Variants in CFAP70 observed in about 807,000 individuals in gnomAD.
The protein encoded by CFAP70 is cilia- and flagella-associated protein 70.
A neutral mutation model predicts 137.6 loss-of-function variants in CFAP70; 81 were observed. The observed-to-expected ratio is 0.59, with a 90% CI of 0.49 to 0.71. CFAP70 has a LOEUF of 0.71. Among genes scored for constraint, CFAP70 ranks in the 30% least tolerant of loss-of-function variants. The pLI is 0.00. For synonymous variants in CFAP70, 382 were observed against 423.6 expected (o/e 0.90, Z 1.20); for missense variants, 976 against 1,226.7 (o/e 0.80, Z 3.05).
chr10:73,324,435 T>C (rs1031656362), intron 8 of CFAP70, among the ~76,000 whole-genome samples: 5 of 152,200 alleles, frequency 3.3e-5, no homozygotes, highest in African/African-American at 1.2e-4. Flanking sequence ...GTGCCTCTCC[T>C]ACTCCAAAGG....
In CFAP70 at chr10:73,332,753, A is replaced by G. The variant is rs569612070; in HGVS notation, c.678-1477T>C. ...ACTGAAGCCTCTGGCACTTACAACT[A>G]TAGCAAACAAGAAACACAACCCAGC... On this transcript the variant is annotated intron_variant, in intron 7 of 26. Transcript: ENST00000310715. Among the ~76,000 whole-genome samples the G allele has an allele frequency of 4.5e-4, 69 of 152,314 alleles. No homozygotes were observed. In the South Asian group the frequency reaches 0.014, roughly 32 times the overall value.
At chr10:73,256,884 CAG>C (rs906641725) in intron 25 of CFAP70, among the ~76,000 whole-genome samples, 1 of 115,916 alleles carries the variant, frequency 8.6e-6, no homozygotes, top group African/African-American at 3.4e-5. Context: ...TCCTGGGCAA[CAG>C]AGTGAGACTC....
intron 14 of CFAP70, among the ~76,000 whole-genome samples, chr10:73,297,516 G>A (rs560520533): frequency 1.1e-4 from 16 of 152,162 alleles, no homozygotes; most frequent in Non-Finnish European, 1.9e-4. Flanking sequence ...AGAAAGGGCT[G>A]GGCTGAGAAT....
intron 12 of CFAP70, among the ~76,000 whole-genome samples, chr10:73,304,596 G>C (rs1024026777): frequency 6.6e-5 from 10 of 152,104 alleles, no homozygotes; most frequent in Admixed American, 3.9e-4. Context: ...AAAAAGTATT[G>C]TGTTGGTGAA....
At chr10:73,348,468 A>G in exon 4 of CFAP70, 2 of 1,541,760 alleles carry the variant, frequency 1.3e-6, no homozygotes, top group Non-Finnish European at 1.7e-6. Flanking sequence ...CCAAGAATTA[A>G]GGTCTTCTCT....
intron 5 of CFAP70, 142 bp from the exon 7 acceptor site, chr10:73,341,723 C>T (rs2053268914): frequency 1.4e-6 from 1 of 693,298 alleles, no homozygotes; most frequent in East Asian, 2.7e-5. Context: ...TAGAGAGGGG[C>T]CTGTGCCCTT....
At chr10:73,344,677 T>A (rs2053559401) in intron 5 of CFAP70, among the ~76,000 whole-genome samples, 1 of 152,208 alleles carries the variant, frequency 6.6e-6, no homozygotes, top group Admixed American at 6.5e-5. Context: ...CCATATCCAA[T>A]CATTCCTATA....
intron 14 of CFAP70, 30 bp downstream of exon 15, chr10:73,298,877 A>G (rs1404093823): frequency 1.2e-6 from 2 of 1,601,264 alleles, no homozygotes; most frequent in Admixed American, 3.3e-5. Flanking sequence ...ATAAACACCC[A>G]TGGAGTAATT....
chr10:73,307,012 AATG>A (rs1455648238), intron 12 of CFAP70, among the ~76,000 whole-genome samples: 1 of 152,168 alleles, frequency 6.6e-6, no homozygotes, highest in African/African-American at 2.4e-5. Context: ...ATAAAATAAT[AATG>A]ATAAGTCTAT....
At chr10:73,312,701 T>C in intron 9 of CFAP70, 58 bp from the exon 11 acceptor site, 1 of 1,404,774 alleles carries the variant, frequency 7.1e-7, no homozygotes, top group Admixed American at 2.5e-5. Context: ...TTGAAAGAAA[T>C]ACACATTATT....
At chr10:73,350,664 G>T (rs963690341) in intron 3 of CFAP70, among the ~76,000 whole-genome samples, 2 of 151,814 alleles carry the variant, frequency 1.3e-5, no homozygotes, top group South Asian at 2.1e-4. Context: ...ACTTATAAAG[G>T]CTTCCTCTCT....
At chr10:73,320,408 T>G (rs1248076517) in intron 9 of CFAP70, among the ~76,000 whole-genome samples, 2 of 152,084 alleles carry the variant, frequency 1.3e-5, no homozygotes, top group African/African-American at 4.8e-5. Flanking sequence ...ACTGCAGCCT[T>G]GACCTCCTTG....
chr10:73,256,220 C>T, intron 26 of CFAP70, 149 bp downstream of exon 27: 1 of 796,264 alleles, frequency 1.3e-6, no homozygotes, highest in South Asian at 1.7e-5. Context: ...ATTACAAACC[C>T]AGCAGCCCCA....
At chr10:73,299,143 C>A in intron 13 of CFAP70, 42 bp from the exon 15 acceptor site, 1 of 1,437,820 alleles carries the variant, frequency 7.0e-7, no homozygotes, top group South Asian at 1.2e-5. Context: ...TCAGAGAGGT[C>A]AAGAGCATGG....
chr10:73,321,368 A>G (rs2050836369), intron 9 of CFAP70, among the ~76,000 whole-genome samples: 1 of 152,188 alleles, frequency 6.6e-6, no homozygotes, highest in Non-Finnish European at 1.5e-5. Flanking sequence ...CAGTAAGCCG[A>G]GATCACGCCA....
At chr10:73,347,114 A>T (rs987138374) in intron 4 of CFAP70, 3 of 152,214 alleles carry the variant, frequency 2.0e-5, no homozygotes, top group Admixed American at 6.5e-5. Flanking sequence ...AGGTATATGT[A>T]AGTAAGTCAG....
chr10:73,272,897 C>T (rs1270868192), intron 24 of CFAP70, 31 bp downstream of exon 25: 7 of 1,540,472 alleles, frequency 4.5e-6, no homozygotes, highest in Non-Finnish European at 6.2e-6. Flanking sequence ...GCTGTATCCA[C>T]AGCCCTAGTC....
At chr10:73,348,086 AC>A in intron 4 of CFAP70, 69 bp downstream of exon 5, 5 of 1,392,322 alleles carry the variant, frequency 3.6e-6, no homozygotes, top group Non-Finnish European at 5.1e-6. Context: ...ACTGAATTGA[AC>A]CTTAATAGCA....
Position 73,312,366 on chromosome 10 carries a change from T to TA in CFAP70, c.1083+106dup, listed in dbSNP as rs565389632. The TA allele has an allele frequency of 6.6e-4, 547 of 831,662 alleles. 1 individual carries two copies. Among genetic ancestry groups the TA allele is most frequent in the East Asian group, 3.4e-3 (126 of 37,112 alleles). 51.5% of individuals were successfully genotyped at this position (831,662 alleles called of 1,614,324 possible). On this transcript the variant is annotated intron_variant, in intron 10 of 26. Transcript: ENST00000310715. The stretch of plus-strand genomic sequence containing the variant: ...TGTATCCCAGAACTTAAAGTAAAAT[T>TA]AAAAAAAAATGCAAACTAACATTGA...
Sources: gnomAD v4.1 joint callset for allele counts (sites outside exome capture counted in the v4.1 genomes callset) on GRCh38, gnomAD v4.1.1 for gene constraint, MANE v1.5 for transcripts, NCBI Gene and HGNC (gene_info 2026-07-23, HGNC 2026-07-21) for gene names.